CACNA1C: variants seen among roughly 807,000 people sequenced by gnomAD.
CACNA1C encodes the protein calcium voltage-gated channel subunit alpha1 C, also known as voltage-dependent L-type calcium channel subunit alpha-1C.
CACNA1C carries 30 observed loss-of-function variants against 229.0 expected under a neutral mutation model. That is an observed-to-expected ratio of 0.13 (90% CI 0.10 to 0.18). The LOEUF is 0.18. Among genes scored for constraint, CACNA1C ranks in the 10% least tolerant of loss-of-function variants. The pLI, the probability that CACNA1C is intolerant of heterozygous loss-of-function variation, is 1.00. For missense variants in CACNA1C, 1,658 were observed against 2,845.0 expected, an observed-to-expected ratio of 0.58 and a Z score of 9.49; for synonymous variants, 1,114 against 1,132.5, an observed-to-expected ratio of 0.98 and a Z score of 0.33.
chr12:2,461,705 C>T (rs1186606905), intron 5 of CACNA1C, among the ~76,000 whole-genome samples: 1 of 152,212 alleles, frequency 6.6e-6, no homozygotes, highest in Non-Finnish European at 1.5e-5. Flanking sequence ...ATCCTTCTAG[C>T]TTCTCAGGCC....
rs976552954 is a variant in CACNA1C at position 2,365,345 on chromosome 12, T to C, written c.478-83631T>C. Among the ~76,000 whole-genome samples, 55 of 152,242 alleles carry C rather than the reference T, an allele frequency of 3.6e-4. 1 individual carries two copies. Among genetic ancestry groups the C allele is most frequent in the African/African-American group, 1.3e-3 (52 of 41,458 alleles). Reference sequence around the variant, plus strand: ...AAATTAACTGAACTTTCTTTTATTGTAGGTCTACTAGGTTTAGATCAAAAG... The same window carrying C: ...AAATTAACTGAACTTTCTTTTATTGCAGGTCTACTAGGTTTAGATCAAAAG... On this transcript the variant is annotated intron_variant, in intron 3 of 46. Transcript: ENST00000399655.
intron 3 of CACNA1C, among the ~76,000 whole-genome samples, chr12:2,189,038 A>G (rs563541110): frequency 7.1e-6 from 1 of 141,478 alleles, no homozygotes; most frequent in Non-Finnish European, 1.5e-5. Context: ...GCTTGCAGTG[A>G]GCTGAGATCA....
intron 3 of CACNA1C, among the ~76,000 whole-genome samples, chr12:2,384,402 G>A (rs1388555174): frequency 6.6e-6 from 1 of 152,090 alleles, no homozygotes; most frequent in East Asian, 1.9e-4. Flanking sequence ...TACTTTGGTC[G>A]TGGATTCGGA....
intron 37 of CACNA1C, among the ~76,000 whole-genome samples, chr12:2,667,978 C>T (rs1465271165): frequency 6.6e-6 from 1 of 152,222 alleles, no homozygotes; most frequent in Non-Finnish European, 1.5e-5. Flanking sequence ...GAAGCCTGTT[C>T]TGGGGGTGTG....
At chr12:2,435,827 G>A (rs2099129072) in intron 3 of CACNA1C, among the ~76,000 whole-genome samples, 2 of 152,190 alleles carry the variant, frequency 1.3e-5, no homozygotes, top group South Asian at 4.1e-4. Flanking sequence ...CCTGAAGCAG[G>A]AGCGAGGTCT....
intron 10 of CACNA1C, chr12:2,550,464 A>G: frequency 1.7e-6 from 2 of 1,164,994 alleles, no homozygotes; most frequent in Non-Finnish European, 2.3e-6. Context: ...GTGACCTGGG[A>G]GAGAAGCAGC....
At chr12:2,606,231 T>C (rs974492281) in intron 24 of CACNA1C, among the ~76,000 whole-genome samples, 2 of 152,074 alleles carry the variant, frequency 1.3e-5, no homozygotes, top group Non-Finnish European at 2.9e-5. Context: ...TGGATTCTGG[T>C]CTTTTTTGCC....
intron 4 of CACNA1C, among the ~76,000 whole-genome samples, chr12:2,455,019 C>T (rs778038548): frequency 4.0e-5 from 6 of 151,592 alleles, no homozygotes; most frequent in South Asian, 2.1e-4. Flanking sequence ...CCGTCCCACA[C>T]GGCCCTGCCC....
Position 2,052,992 on chromosome 12 carries a change from C to T in CACNA1C, c.-571C>T, listed in dbSNP as rs1361903494. The T allele has an allele frequency of 1.0e-6, 1 of 983,444 alleles. No individual in the cohort carries two copies. The highest frequency in any genetic ancestry group is 1.8e-5 in the African/African-American group (1 of 56,962). The allele number at this position is 983,444 out of a possible 1,614,324, so 60.9% of individuals were successfully genotyped here. On this transcript the variant is annotated 5_prime_UTR_variant, in exon 1 of 47. Coordinates refer to ENST00000399655, the MANE Select transcript of CACNA1C (RefSeq NM_000719.7). ...GGCGCTCTCGCGCGCCCGGTGTCTC[C>T]CTCTCGCTGCCTCTGCAGAAACAGC...
In CACNA1C at chr12:2,566,527, G is replaced by T. The variant is rs747593586; in HGVS notation, c.1614G>T (p.Thr538=). The T allele has an allele frequency of 1.3e-6, 2 of 1,595,020 alleles. No individual in the cohort carries two copies. The highest frequency in any genetic ancestry group is 1.7e-6 in the Non-Finnish European group (2 of 1,170,972). ...TGATTTTCCTGGTGTTCCTCAACAC[G>T]CTCACCATTGCCTCTGAGCACTACA... ...WLVIFLVFLN[T]LTIASEHYNQ... The change falls in exon 12 of 47, where the codon ACG becomes ACT. Residue 538 remains threonine, a synonymous_variant. Transcript: ENST00000399655. This position sits in a 1 kb window ranked among gnomAD's most constrained non-coding sequence, Gnocchi z 4.0.
intron 1 of CACNA1C, among the ~76,000 whole-genome samples, chr12:2,110,665 G>A (rs1220209157): frequency 6.6e-6 from 1 of 152,202 alleles, no homozygotes; most frequent in Non-Finnish European, 1.5e-5. Flanking sequence ...ACTCCTGGGA[G>A]TCTTCGGTAG....
chr12:2,257,196 T>C (rs1362452436), intron 3 of CACNA1C, among the ~76,000 whole-genome samples: 2 of 152,110 alleles, frequency 1.3e-5, no homozygotes, highest in Non-Finnish European at 2.9e-5. Flanking sequence ...GTTGTGACTA[T>C]CACTTTCACT....
chr12:2,193,943 T>G (rs1366953022), intron 3 of CACNA1C, among the ~76,000 whole-genome samples: 1 of 152,174 alleles, frequency 6.6e-6, no homozygotes, highest in Non-Finnish European at 1.5e-5. Flanking sequence ...TTAGCCATCC[T>G]TGTCTCTGCA....
At chr12:2,499,692 A>G (rs1297924659) in intron 7 of CACNA1C, among the ~76,000 whole-genome samples, 1 of 152,142 alleles carries the variant, frequency 6.6e-6, no homozygotes, top group Non-Finnish European at 1.5e-5. Context: ...GGCTACAGAC[A>G]ATGAGCTGAC....
At chr12:2,477,314 A>T (rs1016890060) in intron 5 of CACNA1C, among the ~76,000 whole-genome samples, 2 of 152,200 alleles carry the variant, frequency 1.3e-5, no homozygotes, top group African/African-American at 2.4e-5. Flanking sequence ...GAGGACCCAG[A>T]GTTGGCTAGT....
chr12:1,996,615 C>CT (rs1417021692), intron 1 of CACNA1C, among the ~76,000 whole-genome samples: 2 of 23,448 alleles, frequency 8.5e-5, no homozygotes, highest in African/African-American at 1.4e-4. Flanking sequence ...AGCTGATGAG[C>CT]TAAAAAAAAA....
intron 3 of CACNA1C, among the ~76,000 whole-genome samples, chr12:2,140,477 G>A (rs2094049725): frequency 6.6e-6 from 1 of 151,390 alleles, no homozygotes; most frequent in Admixed American, 6.6e-5. Flanking sequence ...GGTGTGGCAT[G>A]GCTGAGACAG....
At chr12:2,492,771 T>TAGA (rs2099738774) in intron 6 of CACNA1C, among the ~76,000 whole-genome samples, 1 of 152,244 alleles carries the variant, frequency 6.6e-6, no homozygotes, top group South Asian at 2.1e-4. Context: ...CAAGTGTCTA[T>TAGA]AGAACTCTAC....
At chr12:2,352,499 G>A (rs2097231681) in intron 3 of CACNA1C, among the ~76,000 whole-genome samples, 1 of 152,206 alleles carries the variant, frequency 6.6e-6, no homozygotes, top group East Asian at 1.9e-4. Flanking sequence ...TGTCGCTGCT[G>A]TCATCCCGCC....
Sources: gnomAD v4.1 joint callset for allele counts (sites outside exome capture counted in the v4.1 genomes callset) on GRCh38, gnomAD v4.1.1 for gene constraint, Gnocchi (gnomAD v3.1) non-coding constraint, MANE v1.5 for transcripts, NCBI Gene and HGNC (gene_info 2026-07-23, HGNC 2026-07-21) for gene names.